C13orf46: variants seen among roughly 807,000 people sequenced by gnomAD.
C13orf46 encodes the protein chromosome 13 open reading frame 46.
the C13orf46 span, among the ~76,000 whole-genome samples, chr13:113,934,630 C>T: frequency 6.6e-6 from 1 of 152,256 alleles, no homozygotes; most frequent in Non-Finnish European, 1.5e-5. Flanking sequence ...AACTGCCCTC[C>T]AAACAGTGGA....
the C13orf46 span, among the ~76,000 whole-genome samples, chr13:113,938,070 T>C: frequency 2.0e-5 from 3 of 152,184 alleles, no homozygotes; most frequent in African/African-American, 7.2e-5. Context: ...GACTTTTCTC[T>C]TAGGCTCAGC....
chr13:113,946,506 G>C, the C13orf46 span, among the ~76,000 whole-genome samples: 26,495 of 152,296 alleles, frequency 0.17, 2,744 homozygotes, highest in Non-Finnish European at 0.23. Context: ...GGCTGTGTGG[G>C]TCGTCAGCCG....
downstream of C13orf46, among the ~76,000 whole-genome samples, chr13:113,953,486 A>G (rs1394233384): frequency 6.6e-6 from 1 of 152,096 alleles, no homozygotes; most frequent in African/African-American, 2.4e-5. Flanking sequence ...CAGACAGTGA[A>G]GGAGGAACAG....
chr13:113,926,935 T>C, the C13orf46 span: 1 of 152,324 alleles, frequency 6.6e-6, no homozygotes, highest in South Asian at 2.1e-4. Context: ...TTTGTCTCCT[T>C]GCATGCAGCC....
intron 6 of C13orf46, among the ~76,000 whole-genome samples, chr13:113,957,671 G>C (rs1157477131): frequency 7.3e-6 from 1 of 137,380 alleles, no homozygotes; most frequent in East Asian, 2.3e-4. Context: ...CAAGCACACT[G>C]GGGGTCTCCT....
At chr13:113,950,954 G>A (rs1313950796), downstream of C13orf46, among the ~76,000 whole-genome samples, 3 of 152,238 alleles carry the variant, frequency 2.0e-5, no homozygotes, top group South Asian at 4.1e-4. Flanking sequence ...TGGGAAGGCC[G>A]GGCGTTCAGA....
chr13:113,969,856 C>G (rs963975214), intron 2 of C13orf46, among the ~76,000 whole-genome samples: 1 of 152,172 alleles, frequency 6.6e-6, no homozygotes, highest in Non-Finnish European at 1.5e-5. Flanking sequence ...CCTCCTTCCC[C>G]AGAGGGCCAT....
intron 5 of C13orf46, among the ~76,000 whole-genome samples, chr13:113,966,466 A>G (rs1422697639): frequency 2.0e-5 from 3 of 151,054 alleles, no homozygotes; most frequent in Admixed American, 1.3e-4. Flanking sequence ...GACGGTGGTG[A>G]TGATTATAAT....
chr13:113,946,812 G>A, the C13orf46 span, among the ~76,000 whole-genome samples: 19 of 152,378 alleles, frequency 1.2e-4, no homozygotes, highest in East Asian at 3.5e-3. Flanking sequence ...GGAAACCTGC[G>A]CCCGGCAGCT....
the C13orf46 span, among the ~76,000 whole-genome samples, chr13:113,940,299 C>T: frequency 6.6e-6 from 1 of 152,276 alleles, no homozygotes; most frequent in African/African-American, 2.4e-5. Context: ...CCAAGCCCCC[C>T]ACCCCCAGAT....
chr13:113,938,403 C>A, the C13orf46 span, among the ~76,000 whole-genome samples: 1 of 152,166 alleles, frequency 6.6e-6, no homozygotes, highest in African/African-American at 2.4e-5. Flanking sequence ...CCACTGCTTT[C>A]TTTTCTCAGC....
chr13:113,933,230 T>G, the C13orf46 span, among the ~76,000 whole-genome samples: 11 of 152,196 alleles, frequency 7.2e-5, no homozygotes, highest in Non-Finnish European at 1.0e-4. Context: ...TTTATTTTGT[T>G]GCTTATGGGT....
At chr13:113,942,714 C>A in the C13orf46 span, among the ~76,000 whole-genome samples, 2 of 152,186 alleles carry the variant, frequency 1.3e-5, no homozygotes, top group Non-Finnish European at 2.9e-5. Context: ...ATGAGGGAGA[C>A]GGCAGGGCGC....
At chr13:113,933,659 A>G in the C13orf46 span, among the ~76,000 whole-genome samples, 21 of 152,176 alleles carry the variant, frequency 1.4e-4, no homozygotes, top group African/African-American at 4.8e-4. Context: ...CCTCTCATTG[A>G]TGTTTCTCAG....
At chr13:113,973,408 G>A (rs890226298) in intron 1 of C13orf46, among the ~76,000 whole-genome samples, 5 of 152,136 alleles carry the variant, frequency 3.3e-5, no homozygotes, top group African/African-American at 7.2e-5. Context: ...TCACGGAGCC[G>A]GACGAGGATA....
chr13:113,927,899 A>G, the C13orf46 span: 2 of 323,476 alleles, frequency 6.2e-6, no homozygotes, highest in Non-Finnish European at 5.6e-6. Context: ...AAACATGTGC[A>G]TGTGGCCCCA....
chr13:113,943,798 T>G, the C13orf46 span, among the ~76,000 whole-genome samples: 1 of 152,194 alleles, frequency 6.6e-6, no homozygotes, highest in Non-Finnish European at 1.5e-5. Context: ...CAGCAGGGCC[T>G]GTGGCCAGGG....
intron 1 of C13orf46, among the ~76,000 whole-genome samples, chr13:113,972,571 G>A (rs952474775): frequency 5.3e-5 from 8 of 152,190 alleles, no homozygotes; most frequent in Admixed American, 2.0e-4. Context: ...TATTCAAGGT[G>A]TGAGGAGGTG....
At chr13:113,936,437 C>T in the C13orf46 span, among the ~76,000 whole-genome samples, 1 of 152,170 alleles carries the variant, frequency 6.6e-6, no homozygotes, top group African/African-American at 2.4e-5. Flanking sequence ...GAGCCAAGGC[C>T]TTCCTCCCTC....
Sources: gnomAD v4.1 joint callset for allele counts (sites outside exome capture counted in the v4.1 genomes callset) on GRCh38, gnomAD v4.1.1 for gene constraint, MANE v1.5 for transcripts, NCBI Gene and HGNC (gene_info 2026-07-23, HGNC 2026-07-21) for gene names.